NEDD4L: variants seen among roughly 807,000 people sequenced by gnomAD.
NEDD4L encodes E3 ubiquitin-protein ligase NEDD4-like.
In NEDD4L, 54 loss-of-function variants were observed where a neutral mutation model predicts 148.9. The ratio of observed to expected loss-of-function variants is 0.36; its 90% CI spans 0.29 to 0.45. The LOEUF is 0.45. NEDD4L is among the 20% of genes least tolerant of loss of function. The pLI is 1.00. For synonymous variants in NEDD4L, 433 were observed against 440.7 expected (o/e 0.98, Z 0.22); for missense variants, 856 against 1,233.8 (o/e 0.69, Z 4.59).
At chr18:58,107,006 G>A (rs2085105133) in intron 1 of NEDD4L, among the ~76,000 whole-genome samples, 1 of 152,106 alleles carries the variant, frequency 6.6e-6, no homozygotes, top group Non-Finnish European at 1.5e-5. Context: ...TTGGATGTTG[G>A]AAGTCGAAGA....
intron 2 of NEDD4L, among the ~76,000 whole-genome samples, chr18:58,204,923 A>G (rs2041821031): frequency 6.6e-6 from 1 of 152,200 alleles, no homozygotes; most frequent in South Asian, 2.1e-4. Context: ...AAAGGGAAAA[A>G]ATAGATCAAA....
chr18:58,374,805 C>T (rs918273562), intron 24 of NEDD4L, among the ~76,000 whole-genome samples: 5 of 152,140 alleles, frequency 3.3e-5, no homozygotes, highest in African/African-American at 1.2e-4. Flanking sequence ...ATGCAGGTGT[C>T]ACCCTGCCAG....
chr18:58,147,560 C>T (rs565624236), intron 1 of NEDD4L, among the ~76,000 whole-genome samples: 7 of 152,280 alleles, frequency 4.6e-5, no homozygotes, highest in East Asian at 1.9e-4. Flanking sequence ...ATTGTCAGGA[C>T]GGCTGTTAAT....
chr18:58,378,199 C>A (rs2047826644), intron 24 of NEDD4L, among the ~76,000 whole-genome samples: 1 of 152,172 alleles, frequency 6.6e-6, no homozygotes, highest in South Asian at 2.1e-4. Flanking sequence ...AGGAGGACAT[C>A]ATCTCAGACA....
At chr18:58,180,552 G>C (rs113641882) in intron 2 of NEDD4L, among the ~76,000 whole-genome samples, 2,868 of 152,208 alleles carry the variant, frequency 0.019, 96 homozygotes, top group African/African-American at 0.065. Context: ...CCTTGGCTCT[G>C]CCTCCCCACC....
chr18:58,176,394 G>A (rs2038159030), intron 2 of NEDD4L, among the ~76,000 whole-genome samples: 1 of 152,048 alleles, frequency 6.6e-6, no homozygotes, highest in African/African-American at 2.4e-5. Context: ...AGAGTGCAGG[G>A]GTGCAATCAT....
At chr18:58,199,478 C>T (rs112397214) in intron 2 of NEDD4L, among the ~76,000 whole-genome samples, 3 of 152,088 alleles carry the variant, frequency 2.0e-5, no homozygotes, top group African/African-American at 4.8e-5. Context: ...ACTGGTTGAC[C>T]GTATACGAAA....
intron 2 of NEDD4L, among the ~76,000 whole-genome samples, chr18:58,220,715 G>A (rs1317501254): frequency 1.3e-5 from 2 of 152,206 alleles, no homozygotes; most frequent in South Asian, 2.1e-4. Flanking sequence ...TATTAGAGCC[G>A]CATCTGCTGG....
chr18:58,395,267 G>C (rs1206747710), intron 30 of NEDD4L, among the ~76,000 whole-genome samples: 1 of 152,282 alleles, frequency 6.6e-6, no homozygotes, highest in Admixed American at 6.5e-5. Flanking sequence ...TGCAGGTTCT[G>C]TGGCTAAAGG....
At chr18:58,122,532 A>G (rs1787778) in intron 1 of NEDD4L, among the ~76,000 whole-genome samples, 20,169 of 152,116 alleles carry the variant, frequency 0.13, 1,409 homozygotes, top group South Asian at 0.24. Flanking sequence ...ATAAAAGTCT[A>G]GTGAGCCCTG....
At chr18:58,273,423 C>G (rs2051374013) in intron 5 of NEDD4L, among the ~76,000 whole-genome samples, 1 of 152,156 alleles carries the variant, frequency 6.6e-6, no homozygotes, top group Non-Finnish European at 1.5e-5. Context: ...CGTTGTTACT[C>G]TTACAAATGA....
intron 1 of NEDD4L, among the ~76,000 whole-genome samples, chr18:58,140,043 C>A (rs1254110696): frequency 6.6e-6 from 1 of 152,078 alleles, no homozygotes; most frequent in Non-Finnish European, 1.5e-5. Flanking sequence ...GGCAGGGACC[C>A]AAATTTAGGG....
chr18:58,355,421 AC>A (rs1486766817), intron 18 of NEDD4L, among the ~76,000 whole-genome samples: 1 of 152,222 alleles, frequency 6.6e-6, no homozygotes, highest in Non-Finnish European at 1.5e-5. Context: ...TGAAGTACTT[AC>A]GGGAAACCCA....
intron 2 of NEDD4L, among the ~76,000 whole-genome samples, chr18:58,219,181 G>A (rs1444854900): frequency 6.6e-6 from 1 of 152,212 alleles, no homozygotes; most frequent in African/African-American, 2.4e-5. Context: ...TGGCAGGGAG[G>A]TGGATGTACA....
intron 3 of NEDD4L, 58 bp from the exon 4 acceptor site, chr18:58,248,841 C>A: frequency 1.2e-6 from 1 of 858,922 alleles, no homozygotes; most frequent in African/African-American, 1.7e-5. Flanking sequence ...CTGTATTGTA[C>A]TAGTAACTGC....
chr18:58,384,069 C>T (rs2048694727), intron 25 of NEDD4L, among the ~76,000 whole-genome samples: 1 of 152,096 alleles, frequency 6.6e-6, no homozygotes, highest in Non-Finnish European at 1.5e-5. Flanking sequence ...CCACAGTGGC[C>T]CTGAGTTCCT....
intron 3 of NEDD4L, 124 bp from the exon 4 acceptor site, chr18:58,248,775 C>T: frequency 1.7e-6 from 1 of 602,184 alleles, no homozygotes; most frequent in Non-Finnish European, 3.0e-6. Context: ...AAATAATCGA[C>T]TAAATGCTTC....
intron 1 of NEDD4L, among the ~76,000 whole-genome samples, chr18:58,148,947 G>T (rs779757816): frequency 1.1e-4 from 16 of 152,182 alleles, no homozygotes; most frequent in Non-Finnish European, 1.6e-4. Flanking sequence ...AGTGTCACTT[G>T]GCTGAATGAT....
chr18:58,082,575 C>T (rs936351395), intron 1 of NEDD4L, among the ~76,000 whole-genome samples: 2 of 151,000 alleles, frequency 1.3e-5, no homozygotes, highest in African/African-American at 2.4e-5. Context: ...AGTTCAAGAC[C>T]AGCCCGGCCA....
Sources: allele counts gnomAD v4.1 joint callset (sites outside exome capture counted in the v4.1 genomes callset), GRCh38; gene constraint gnomAD v4.1.1; transcripts MANE v1.5; gene names NCBI Gene and HGNC (gene_info 2026-07-23, HGNC 2026-07-21).